Variants in LRPAP1 observed in about 807,000 individuals in gnomAD.
LRPAP1 encodes the protein LDL receptor related protein associated protein 1, also known as alpha-2-macroglobulin receptor-associated protein.
In LRPAP1, 41 loss-of-function variants were observed where a neutral mutation model predicts 39.9. The observed-to-expected ratio is 1.03, with a 90% CI of 0.80 to 1.33. The LOEUF (loss-of-function observed/expected upper bound fraction) is 1.33. Among genes scored for constraint, LRPAP1 ranks in the 40% most tolerant of loss-of-function variants. The pLI is 0.00. For missense variants in LRPAP1, 565 were observed against 482.3 expected, an observed-to-expected ratio of 1.17 and a Z score of -1.61; for synonymous variants, 263 against 212.7, an observed-to-expected ratio of 1.24 and a Z score of -2.06.
Position 3,518,076 on chromosome 4 carries a change from G to A in LRPAP1, c.709C>T (p.Arg237Cys), listed in dbSNP as rs773775312. 11 of 1,612,448 alleles carry A rather than the reference G, an allele frequency of 6.8e-6. No homozygotes were observed. In the African/African-American group the frequency reaches 9.3e-5, roughly 14 times the overall value. ...CCCTGGTGGCTGACCCTGCGCAGGC[G>A]GTCCAGGCCCTGGTTGATGCTGCGC... Reference protein sequence around the residue: ...KLRSINQGLDRLRRVSHQGYS... With the variant: ...KLRSINQGLDCLRRVSHQGYS... The change falls in exon 5 of 8, where the codon CGC becomes TGC. Residue 237 changes from arginine to cysteine, a missense_variant. Physicochemically the swap from Arg to Cys is radical, Grantham distance 180. Coordinates refer to ENST00000650182, the MANE Select transcript of LRPAP1 (RefSeq NM_002337.4).
chr4:3,525,768 G>A (rs1254967155), intron 1 of LRPAP1, among the ~76,000 whole-genome samples: 1 of 152,242 alleles, frequency 6.6e-6, no homozygotes, highest in Non-Finnish European at 1.5e-5. Flanking sequence ...GACCCTGGGT[G>A]AGAGAAGGAA....
Position 3,520,093 on chromosome 4 carries a change from C to T in LRPAP1, c.450G>A (p.Arg150=), listed in dbSNP as rs1384374856. The T allele has an allele frequency of 4.3e-6, 7 of 1,614,126 alleles. No individual in the cohort carries two copies. Among genetic ancestry groups the T allele is most frequent in the Non-Finnish European group, 5.1e-6 (6 of 1,180,016 alleles). Residue 150 remains arginine (R), a synonymous_variant, in exon 3 of 8, where the codon AGG becomes AGA. Transcript: ENST00000650182. Reference sequence around the variant, plus strand: ...GTACCTTGTGCCACAGCTTTTCCAGCCTGGGGTCATCCAGCCCGTCTTCCT... The same window carrying T: ...GTACCTTGTGCCACAGCTTTTCCAGTCTGGGGTCATCCAGCCCGTCTTCCT... ...GTQEDGLDDP[R]LEKLWHKAKT... is the part of the protein sequence containing the mutation.
chr4:3,519,027 C>A lies in LRPAP1; in HGVS notation c.472-36G>T, dbSNP rs371827550. 4 of 1,605,324 alleles carry A rather than the reference C, an allele frequency of 2.5e-6. No homozygotes were observed. In the Admixed American group the frequency reaches 5.0e-5, roughly 20 times the overall value. ...AACAAGGCCTGGAGTGAACCCGCCGCGGGCTCGTGTGGCCAGGGCCGCTCT... is the reference window on the plus strand; with the variant it reads ...AACAAGGCCTGGAGTGAACCCGCCGAGGGCTCGTGTGGCCAGGGCCGCTCT... On this transcript the variant is annotated intron_variant, in intron 3 of 7. Transcript: ENST00000650182.
At position 3,504,266 on chromosome 4, in the gene LRPAP1, G is replaced by A. The variant is rs1450793545; in HGVS notation, c.*8708C>T. ...AGAGGCTTAAGAACCCTCTCCAGGA[G>A]GATGATCCATATAACAGCTCTCAAA... On this transcript the variant is annotated 3_prime_UTR_variant, in exon 8 of 8. Transcript: ENST00000650182. The A allele has an allele frequency of 6.6e-6, 1 of 152,272 alleles. No homozygotes were observed. Among genetic ancestry groups the A allele is most frequent in the African/African-American group, 2.4e-5 (1 of 41,468 alleles). The allele number at this position is 152,272 out of a possible 1,614,324, so 9.4% of individuals were successfully genotyped here.
rs1471099214 is a variant in LRPAP1 at position 3,505,613 on chromosome 4, CTACCAGCTACCCCAAGCCCGTCTA to C, written c.*7337_*7360del. ...CAGCCCACACGCCTCCTGAGCACCA[CTACCAGCTACCCCAAGCCCGTCTA>C]TACCAGCTACCCCAAGACCGTCTAT... On this transcript the variant is annotated 3_prime_UTR_variant, in exon 8 of 8. Coordinates refer to ENST00000650182, the MANE Select transcript of LRPAP1 (RefSeq NM_002337.4). Among the ~76,000 whole-genome samples, 2 of 151,604 alleles carry C rather than the reference CTACCAGCTACCCCAAGCCCGTCTA, an allele frequency of 1.3e-5. No homozygotes were observed. Among genetic ancestry groups the C allele is most frequent in the Non-Finnish European group, 2.9e-5 (2 of 67,974 alleles).
chr4:3,523,331 C>A (rs1729976873), intron 2 of LRPAP1, among the ~76,000 whole-genome samples: 1 of 152,232 alleles, frequency 6.6e-6, no homozygotes, highest in Non-Finnish European at 1.5e-5. Context: ...GGTGGGGACG[C>A]AACCATCCAG....
intron 6 of LRPAP1, chr4:3,515,742 G>T: frequency 3.7e-6 from 1 of 271,646 alleles, no homozygotes; most frequent in Non-Finnish European, 7.1e-6. Context: ...TCCCTCCCTG[G>T]GCCTCCATCT....
intron 1 of LRPAP1, among the ~76,000 whole-genome samples, chr4:3,527,802 C>T (rs1229115366): frequency 6.6e-6 from 1 of 152,212 alleles, no homozygotes; most frequent in African/African-American, 2.4e-5. Flanking sequence ...GGCTCACAGC[C>T]AGGCACCAAC....
At chr4:3,530,198 G>C (rs1339268753) in intron 1 of LRPAP1, among the ~76,000 whole-genome samples, 8 of 152,112 alleles carry the variant, frequency 5.3e-5, no homozygotes, top group African/African-American at 1.9e-4. Flanking sequence ...GGCAGAAAGA[G>C]CCACAGCACA....
chr4:3,508,235 A>C lies in LRPAP1; in HGVS notation c.*4739T>G, dbSNP rs11729369. 34,077 of 152,142 alleles carry C rather than the reference A, an allele frequency of 0.22. 3,991 individuals carry two copies. Among genetic ancestry groups the C allele is most frequent in the South Asian group, 0.37 (1,775 of 4,802 alleles). The allele number at this position is 152,142 out of a possible 1,614,324, so 9.4% of individuals were successfully genotyped here. ...TGACTAGGTTGGTCTCAAACTCCTG[A>C]CCTCAGGTGATCCATCCACGTTGGC... On this transcript the variant is annotated 3_prime_UTR_variant, in exon 8 of 8. Coordinates refer to ENST00000650182, the MANE Select transcript of LRPAP1 (RefSeq NM_002337.4).
rs2108687669 is a variant in LRPAP1 at position 3,514,631 on chromosome 4, C to A, written c.1011+121G>T. Reference sequence around the variant, plus strand: ...TTGTGGCCCTGGGGTTCAACTCGGACAGGGAAGACAGCAGCGTGGGGCCCA... The same window carrying A: ...TTGTGGCCCTGGGGTTCAACTCGGAAAGGGAAGACAGCAGCGTGGGGCCCA... On this transcript the variant is annotated intron_variant, in intron 7 of 7. Transcript: ENST00000650182. The A allele has an allele frequency of 2.3e-6, 3 of 1,301,754 alleles. No homozygotes were observed. The South Asian group carries it at 4.4e-5, about 19-fold the overall frequency. The allele number at this position is 1,301,754 out of a possible 1,614,324, so 80.6% of individuals were successfully genotyped here. A position where few individuals can be genotyped will look rare whatever the true frequency, so the allele number is the denominator to read the frequency against.
In LRPAP1 at chr4:3,516,484, G is replaced by A. The variant is rs563416252; in HGVS notation, c.752-286C>T. Among the ~76,000 whole-genome samples, 140 of 135,498 alleles carry A rather than the reference G, an allele frequency of 1.0e-3. 1 individual carries two copies. Among genetic ancestry groups the A allele is most frequent in the African/African-American group, 3.5e-3 (132 of 37,984 alleles). The allele number at this position is 135,498 out of a possible 152,430, so 88.9% of individuals were successfully genotyped here. On this transcript the variant is annotated intron_variant, in intron 5 of 7. Coordinates refer to ENST00000650182, the MANE Select transcript of LRPAP1 (RefSeq NM_002337.4). ...CTGCCTCCATCAGAGCCTGGGAAGCGCCACAGCCCGCCCTGGCTGCCTCTG... is the reference window on the plus strand; with the variant it reads ...CTGCCTCCATCAGAGCCTGGGAAGCACCACAGCCCGCCCTGGCTGCCTCTG...
At chr4:3,518,812 G>C (rs1729812513) in intron 4 of LRPAP1, 59 bp downstream of exon 4, 2 of 1,175,394 alleles carry the variant, frequency 1.7e-6, no homozygotes, top group East Asian at 2.6e-5. Flanking sequence ...AGGTGCAGGA[G>C]GGGTGGGGGG....
intron 2 of LRPAP1, among the ~76,000 whole-genome samples, chr4:3,520,708 T>C (rs1259799922): frequency 6.6e-6 from 1 of 152,198 alleles, no homozygotes; most frequent in Non-Finnish European, 1.5e-5. Flanking sequence ...CTTATATTTA[T>C]TGGGAGGAAA....
chr4:3,523,269 C>G (rs988155525), intron 2 of LRPAP1, among the ~76,000 whole-genome samples: 1 of 152,194 alleles, frequency 6.6e-6, no homozygotes, highest in African/African-American at 2.4e-5. Flanking sequence ...CCTGGGGGCA[C>G]CTCCAGGACA....
At chr4:3,517,720 G>C (rs1290595150) in intron 5 of LRPAP1, 4 of 266,560 alleles carry the variant, frequency 1.5e-5, no homozygotes, top group African/African-American at 8.9e-5. Flanking sequence ...CTCTGTTCTT[G>C]GCCAACAGCA....
In LRPAP1 at chr4:3,516,493, C is replaced by CGCCT. The variant is rs528379998; in HGVS notation, c.752-296_752-295insAGGC. Among the ~76,000 whole-genome samples, 127 of 152,294 alleles carry CGCCT rather than the reference C, an allele frequency of 8.3e-4. 1 individual carries two copies. Among genetic ancestry groups the CGCCT allele is most frequent in the African/African-American group, 3.0e-3 (125 of 41,570 alleles). ...TCAGAGCCTGGGAAGCGCCACAGCC[C>CGCCT]GCCCTGGCTGCCTCTGAAGCAGGAG... On this transcript the variant is annotated intron_variant, in intron 5 of 7. Transcript: ENST00000650182.
intron 1 of LRPAP1, among the ~76,000 whole-genome samples, chr4:3,530,635 C>G (rs1730221346): frequency 6.6e-6 from 1 of 152,192 alleles, no homozygotes; most frequent in South Asian, 2.1e-4. Flanking sequence ...TGAAACTGGT[C>G]AGGCGAGCAC....
chr4:3,523,694 C>T (rs565858884), intron 2 of LRPAP1, among the ~76,000 whole-genome samples: 17 of 152,108 alleles, frequency 1.1e-4, no homozygotes, highest in Non-Finnish European at 1.5e-5. Flanking sequence ...GAAGGAACTC[C>T]GTAGACACCT....
Sources: allele counts gnomAD v4.1 joint callset (sites outside exome capture counted in the v4.1 genomes callset), GRCh38; gene constraint gnomAD v4.1.1; transcripts MANE v1.5; gene names NCBI Gene and HGNC (gene_info 2026-07-23, HGNC 2026-07-21).